The following VRK2 variants were observed in gnomAD, a reference collection of about 807,000 sequenced individuals.
The protein encoded by VRK2 is VRK serine/threonine kinase 2.
VRK2 carries 60 observed loss-of-function variants against 57.6 expected under a neutral mutation model. The ratio of observed to expected loss-of-function variants is 1.04; its 90% CI spans 0.85 to 1.29. VRK2 has a LOEUF of 1.29. Ranked by LOEUF, VRK2 falls within the 50% of genes most tolerant of loss-of-function variation. The pLI is 0.00. For synonymous variants in VRK2, 231 were observed against 199.2 expected (o/e 1.16, Z -1.35); for missense variants, 705 against 588.1 (o/e 1.20, Z -2.06).
At chr2:57,959,931 T>C (rs1329450810) in intron 1 of VRK2, among the ~76,000 whole-genome samples, 2 of 151,998 alleles carry the variant, frequency 1.3e-5, no homozygotes, top group East Asian at 3.9e-4. Context: ...CACTTGTGAC[T>C]TCAGCAGGAG....
chr2:58,057,743 T>A (rs748439950), intron 2 of VRK2, among the ~76,000 whole-genome samples: 1 of 152,194 alleles, frequency 6.6e-6, no homozygotes, highest in Non-Finnish European at 1.5e-5. Context: ...AAGGGTTTTG[T>A]ACATAGTCAG....
chr2:58,006,152 C>A (rs1673235901), intron 1 of VRK2, among the ~76,000 whole-genome samples: 2 of 152,104 alleles, frequency 1.3e-5, no homozygotes. Flanking sequence ...AGAGAGAAAT[C>A]TGGGGGACAT....
chr2:57,951,582 A>G (rs961727338), intron 1 of VRK2, among the ~76,000 whole-genome samples: 1 of 152,202 alleles, frequency 6.6e-6, no homozygotes, highest in African/African-American at 2.4e-5. Context: ...AGAAGAGTCA[A>G]TTGATGCTGC....
At chr2:58,075,965 A>C (rs562934176) in intron 2 of VRK2, among the ~76,000 whole-genome samples, 2 of 147,748 alleles carry the variant, frequency 1.4e-5, no homozygotes, top group East Asian at 4.0e-4. Context: ...GGATTAAAGA[A>C]AAGCTGTTGA....
chr2:58,119,775 ATATT>A (rs1441089463), intron 7 of VRK2, among the ~76,000 whole-genome samples: 2 of 151,346 alleles, frequency 1.3e-5, no homozygotes, highest in Admixed American at 1.3e-4. Flanking sequence ...ATATTATTTT[ATATT>A]TATATTTATA....
rs538295100 is a variant in VRK2, at chr2:58,102,979, G to A, written c.543+13256G>A. Reference sequence around the variant, plus strand: ...ATGGAAATTAAACAACACATTCCTCGCTGATCTTTGGATCAATGATGAAAT... The same window carrying A: ...ATGGAAATTAAACAACACATTCCTCACTGATCTTTGGATCAATGATGAAAT... On this transcript the variant is annotated intron_variant, in intron 7 of 12. Coordinates refer to ENST00000340157, the MANE Select transcript of VRK2 (RefSeq NM_006296.7). 1.1e-3 allele frequency among the ~76,000 whole-genome samples: 172 copies of A among 151,618 alleles called. 1 individual carries two copies. Among genetic ancestry groups the A allele is most frequent in the African/African-American group, 4.0e-3 (165 of 41,472 alleles).
intron 7 of VRK2, among the ~76,000 whole-genome samples, chr2:58,120,822 T>C (rs1219349287): frequency 6.6e-6 from 1 of 152,096 alleles, no homozygotes. Context: ...TTAGTACCAA[T>C]TAGCAAACAT....
intron 1 of VRK2, among the ~76,000 whole-genome samples, chr2:58,021,160 T>C (rs1051095108): frequency 2.6e-5 from 4 of 152,134 alleles, no homozygotes; most frequent in Non-Finnish European, 4.4e-5. Context: ...TGGGAAAAAA[T>C]CACACATAAT....
intron 1 of VRK2, among the ~76,000 whole-genome samples, chr2:58,048,107 A>G (rs1434319912): frequency 6.6e-6 from 1 of 152,210 alleles, no homozygotes; most frequent in Non-Finnish European, 1.5e-5. Context: ...TACAATTATA[A>G]TTAGTTGATT....
At chr2:57,999,186 A>G (rs564715535) in intron 1 of VRK2, among the ~76,000 whole-genome samples, 3 of 152,314 alleles carry the variant, frequency 2.0e-5, no homozygotes, top group East Asian at 1.9e-4. Flanking sequence ...GTCACTCTGT[A>G]TAAGAATATC....
intron 2 of VRK2, among the ~76,000 whole-genome samples, chr2:58,080,128 A>G (rs1670650118): frequency 6.6e-6 from 1 of 152,026 alleles, no homozygotes. Context: ...CTAGCAGAGG[A>G]AGACAAGTAA....
intron 7 of VRK2, among the ~76,000 whole-genome samples, chr2:58,106,162 T>A (rs763279170): frequency 7.9e-5 from 12 of 151,756 alleles, no homozygotes; most frequent in Non-Finnish European, 1.2e-4. Context: ...AAATTGAGAG[T>A]ATCATAGGTT....
chr2:58,075,815 CAG>C (rs1002840058), intron 2 of VRK2, among the ~76,000 whole-genome samples: 1 of 133,796 alleles, frequency 7.5e-6, no homozygotes, highest in Non-Finnish European at 1.7e-5. Flanking sequence ...CTGCTGGAAA[CAG>C]GAGATTTTTC....
At chr2:57,997,845 AC>A (rs1463958971) in intron 1 of VRK2, among the ~76,000 whole-genome samples, 3 of 151,890 alleles carry the variant, frequency 2.0e-5, no homozygotes, top group African/African-American at 7.3e-5. Context: ...GTTGCAGTGA[AC>A]CAAGACCGCA....
chr2:57,952,400 G>C (rs1290917276), intron 1 of VRK2, among the ~76,000 whole-genome samples: 1 of 152,152 alleles, frequency 6.6e-6, no homozygotes, highest in Non-Finnish European at 1.5e-5. Context: ...AGATTAAAGA[G>C]AAGAAAGAAA....
At chr2:58,148,497 ATTAT>A (rs745721832) in intron 12 of VRK2, among the ~76,000 whole-genome samples, 2 of 151,620 alleles carry the variant, frequency 1.3e-5, no homozygotes, top group South Asian at 2.1e-4. Context: ...AGCTTTTTAT[ATTAT>A]TTGTTTTTTT....
chr2:57,947,935 G>C (rs1324021687), intron 1 of VRK2, among the ~76,000 whole-genome samples: 1 of 152,060 alleles, frequency 6.6e-6, no homozygotes, highest in Non-Finnish European at 1.5e-5. Flanking sequence ...TGTTAAACCA[G>C]ATTTATAAAT....
rs377273597 is a variant in VRK2 at position 57,928,500 on chromosome 2, G to C, written c.-439+20661G>C. ...CAACTATTTTGAATTCTGTTGGAAA[G>C]GTCATATATCTCTGTCTCTCCAGGA... On this transcript the variant is annotated intron_variant, in intron 1 of 15. Transcript: ENST00000417641. Among the ~76,000 whole-genome samples, 53 of 152,100 alleles carry C rather than the reference G, an allele frequency of 3.5e-4. 1 individual carries two copies. The South Asian group carries it at 0.01, about 30-fold the overall frequency.
chr2:57,907,844 ATG>A (rs1669872685), intron 1 of VRK2: 1 of 152,244 alleles, frequency 6.6e-6, no homozygotes, highest in African/African-American at 2.4e-5. Flanking sequence ...ACTCAGGTAA[ATG>A]TAATCTCTCC....
Sources: gnomAD v4.1 joint callset for allele counts (sites outside exome capture counted in the v4.1 genomes callset) on GRCh38, gnomAD v4.1.1 for gene constraint, MANE v1.5 for transcripts, NCBI Gene and HGNC (gene_info 2026-07-23, HGNC 2026-07-21) for gene names.